The following COL5A2 variants were observed in gnomAD, a reference collection of about 807,000 sequenced individuals.
COL5A2 encodes the protein collagen alpha-2(V) chain.
In COL5A2, 23 loss-of-function variants were observed where a neutral mutation model predicts 208.2. The ratio of observed to expected loss-of-function variants is 0.11; its 90% confidence interval spans 0.08 to 0.16. COL5A2 has a LOEUF of 0.16. COL5A2 is among the 10% of genes least tolerant of loss of function. The pLI is 1.00. For missense variants in COL5A2, 1,590 were observed against 1,956.4 expected (o/e 0.81, Z 3.53); for synonymous variants, 625 against 628.5 (o/e 0.99, Z 0.08).
At chr2:189,215,212 A>G (rs1286045282) in intron 1 of COL5A2, among the ~76,000 whole-genome samples, 1 of 152,128 alleles carries the variant, frequency 6.6e-6, no homozygotes, top group Non-Finnish European at 1.5e-5. Flanking sequence ...ATCCCTGTTT[A>G]CCTGTGACTG....
intron 31 of COL5A2, among the ~76,000 whole-genome samples, chr2:189,060,143 C>T (rs72902396): frequency 3.9e-5 from 6 of 152,022 alleles, no homozygotes; most frequent in African/African-American, 1.4e-4. Flanking sequence ...TTCCTAAAAC[C>T]CCCAAGTCTT....
chr2:189,108,079 G>T (rs1042974987), intron 2 of COL5A2, among the ~76,000 whole-genome samples: 2 of 151,586 alleles, frequency 1.3e-5, no homozygotes, highest in Non-Finnish European at 3.0e-5. Flanking sequence ...ACTCACTCTA[G>T]TTCATACTTT....
At chr2:189,216,573 A>G (rs538751821) in intron 1 of COL5A2, among the ~76,000 whole-genome samples, 1 of 152,240 alleles carries the variant, frequency 6.6e-6, no homozygotes, top group East Asian at 1.9e-4. Flanking sequence ...AATTAACCAA[A>G]TTAAATAGCA....
chr2:189,390,239 G>A, the COL5A2 span, among the ~76,000 whole-genome samples: 1 of 152,058 alleles, frequency 6.6e-6, no homozygotes, highest in African/African-American at 2.4e-5. Flanking sequence ...AATCACAACA[G>A]CATATGCCCA....
chr2:189,186,378 T>A (rs899227796), intron 1 of COL5A2, among the ~76,000 whole-genome samples: 1 of 152,170 alleles, frequency 6.6e-6, no homozygotes, highest in Non-Finnish European at 1.5e-5. Context: ...ATGAAAATAA[T>A]AACCAGAACA....
chr2:189,177,038 T>C (rs1688690964), intron 1 of COL5A2, among the ~76,000 whole-genome samples: 1 of 152,194 alleles, frequency 6.6e-6, no homozygotes, highest in South Asian at 2.1e-4. Context: ...CAGATTACAT[T>C]TTACATTTCT....
At chr2:189,154,113 G>A (rs886707855) in intron 1 of COL5A2, among the ~76,000 whole-genome samples, 1 of 151,958 alleles carries the variant, frequency 6.6e-6, no homozygotes, top group Non-Finnish European at 1.5e-5. Flanking sequence ...AACAAAAAAG[G>A]CACACACACA....
chr2:189,400,707 G>T, the COL5A2 span, among the ~76,000 whole-genome samples: 1 of 152,106 alleles, frequency 6.6e-6, no homozygotes. Flanking sequence ...TGACCGATAT[G>T]ATACTGACAA....
chr2:189,294,670 A>G, the COL5A2 span, among the ~76,000 whole-genome samples: 171 of 152,362 alleles, frequency 1.1e-3, no homozygotes, highest in African/African-American at 3.8e-3. Context: ...GGCACTTTAA[A>G]TGTTTGCCAA....
chr2:189,037,494 C>T (rs897031699), intron 51 of COL5A2, among the ~76,000 whole-genome samples: 1 of 152,040 alleles, frequency 6.6e-6, no homozygotes, highest in African/African-American at 2.4e-5. Flanking sequence ...ATAAAATTGC[C>T]CTTTCTTCAA....
intron 8 of COL5A2, among the ~76,000 whole-genome samples, chr2:189,088,252 C>T (rs769664186): frequency 1.3e-5 from 2 of 152,108 alleles, no homozygotes; most frequent in Non-Finnish European, 2.9e-5. Context: ...AACCATAGAG[C>T]TGTTGGAATA....
At chr2:189,395,008 C>T in the COL5A2 span, among the ~76,000 whole-genome samples, 1 of 152,152 alleles carries the variant, frequency 6.6e-6, no homozygotes, top group Non-Finnish European at 1.5e-5. Flanking sequence ...GTACAATGCT[C>T]ATTTTTAAAG....
At chr2:189,438,069 T>G in the COL5A2 span, among the ~76,000 whole-genome samples, 5 of 151,608 alleles carry the variant, frequency 3.3e-5, no homozygotes, top group Admixed American at 6.6e-5. Context: ...AAGCAATGCG[T>G]GAAGGACTTG....
chr2:189,295,681 A>C, the COL5A2 span, among the ~76,000 whole-genome samples: 1 of 152,184 alleles, frequency 6.6e-6, no homozygotes, highest in Non-Finnish European at 1.5e-5. Context: ...AAATTGATTT[A>C]GCCACGCGGA....
At chr2:189,101,276 T>C (rs917314228) in intron 3 of COL5A2, among the ~76,000 whole-genome samples, 33 of 152,132 alleles carry the variant, frequency 2.2e-4, no homozygotes, top group African/African-American at 7.9e-4. Context: ...AATCTGATTA[T>C]AAAAATACTA....
In COL5A2 at chr2:189,034,011, C is replaced by A; in HGVS notation, c.*59G>T. 1 of 1,611,112 alleles carries A rather than the reference C, an allele frequency of 6.2e-7. No homozygotes were observed. Among genetic ancestry groups the A allele is most frequent in the Non-Finnish European group, 8.5e-7 (1 of 1,178,134 alleles). On this transcript the variant is annotated 3_prime_UTR_variant, in exon 54 of 54. Transcript: ENST00000374866. ...GGATCAACTTCAAACAGTCAAAGTT[C>A]TTGTGAATGGCGGTGGTCATTGATG...
At chr2:189,395,912 A>T in the COL5A2 span, among the ~76,000 whole-genome samples, 8 of 150,118 alleles carry the variant, frequency 5.3e-5, no homozygotes, top group African/African-American at 1.9e-4. Flanking sequence ...AAAAAAAAAA[A>T]AAAAAAAAAA....
chr2:189,376,831 A>G, the COL5A2 span, among the ~76,000 whole-genome samples: 2 of 152,194 alleles, frequency 1.3e-5, no homozygotes, highest in Admixed American at 1.3e-4. Flanking sequence ...CCATAAGGCC[A>G]GACAAAGGCA....
At chr2:189,137,067 ATTATTAATCTACAG>A (rs1201501982) in intron 1 of COL5A2, among the ~76,000 whole-genome samples, 4 of 152,316 alleles carry the variant, frequency 2.6e-5, no homozygotes, top group Non-Finnish European at 4.4e-5. Context: ...TATAATTACA[ATTATTAATCTACAG>A]TTAACAAATG....
Sources: gnomAD v4.1 joint callset for allele counts (sites outside exome capture counted in the v4.1 genomes callset) on GRCh38, gnomAD v4.1.1 for gene constraint, MANE v1.5 for transcripts, NCBI Gene and HGNC (gene_info 2026-07-23, HGNC 2026-07-21) for gene names.